Variants in SPATA9 observed in about 807,000 individuals in gnomAD.
SPATA9 encodes spermatogenesis-associated protein 9.
SPATA9 carries 27 observed loss-of-function variants against 25.5 expected under a neutral mutation model. That is an observed-to-expected ratio of 1.06 (90% CI 0.78 to 1.46). The LOEUF (loss-of-function observed/expected upper bound fraction) is 1.46. Among genes scored for constraint, SPATA9 ranks in the 40% most tolerant of loss-of-function variants. SPATA9 has a pLI of 0.00. For synonymous variants in SPATA9, 102 were observed against 105.7 expected (o/e 0.97, Z 0.21); for missense variants, 282 against 297.5 (o/e 0.95, Z 0.38).
chr5:95,724,195 G>C, the SPATA9 span, among the ~76,000 whole-genome samples: 1 of 152,098 alleles, frequency 6.6e-6, no homozygotes, highest in Admixed American at 6.5e-5. Flanking sequence ...TTATTTAAAG[G>C]CTCTCTGAAA....
chr5:95,725,648 C>A, the SPATA9 span, among the ~76,000 whole-genome samples: 1 of 152,206 alleles, frequency 6.6e-6, no homozygotes, highest in African/African-American at 2.4e-5. Flanking sequence ...TTTCAAGCTG[C>A]TATAAAATTC....
At chr5:95,700,384 C>T (rs948968115), upstream of SPATA9, among the ~76,000 whole-genome samples, 1 of 152,114 alleles carries the variant, frequency 6.6e-6, no homozygotes, top group Admixed American at 6.5e-5. Context: ...ATTGCAACCT[C>T]CACCTCCCAG....
the SPATA9 span, among the ~76,000 whole-genome samples, chr5:95,706,557 T>C: frequency 6.6e-6 from 1 of 152,086 alleles, no homozygotes; most frequent in Non-Finnish European, 1.5e-5. Context: ...AATTACCTAG[T>C]CGCAGGTATG....
the SPATA9 span, among the ~76,000 whole-genome samples, chr5:95,714,299 C>T: frequency 1.1e-4 from 16 of 152,022 alleles, 1 homozygote; most frequent in East Asian, 3.1e-3. Flanking sequence ...ATCACTGAAG[C>T]CATGAGAGCA....
chr5:95,712,540 C>G, the SPATA9 span, among the ~76,000 whole-genome samples: 23 of 152,198 alleles, frequency 1.5e-4, no homozygotes, highest in African/African-American at 5.5e-4. Context: ...AATGCAAGGG[C>G]AGGGTGTGTG....
downstream of SPATA9, chr5:95,656,158 C>T: frequency 6.2e-7 from 1 of 1,613,978 alleles, no homozygotes; most frequent in Non-Finnish European, 8.5e-7. Context: ...TCAGCAAAAC[C>T]CAAGTGGTGC....
At chr5:95,689,190 A>G (rs905487354) in intron 1 of SPATA9, among the ~76,000 whole-genome samples, 2 of 152,226 alleles carry the variant, frequency 1.3e-5, no homozygotes, top group African/African-American at 4.8e-5. Flanking sequence ...CAGACACAAT[A>G]AGAACATTTC....
At chr5:95,700,753 A>G (rs1754163453), upstream of SPATA9, among the ~76,000 whole-genome samples, 1 of 152,212 alleles carries the variant, frequency 6.6e-6, no homozygotes, top group Non-Finnish European at 1.5e-5. Context: ...ATATAACTAT[A>G]GTACAATATC....
the SPATA9 span, among the ~76,000 whole-genome samples, chr5:95,709,903 TG>T: frequency 2.6e-5 from 4 of 152,252 alleles, no homozygotes; most frequent in Non-Finnish European, 4.4e-5. Context: ...GCTTTGAAGA[TG>T]GGGGATTCTT....
At chr5:95,731,599 G>A in the SPATA9 span, 1 of 1,589,946 alleles carries the variant, frequency 6.3e-7, no homozygotes, top group Non-Finnish European at 8.6e-7. Flanking sequence ...GCGGATTGCG[G>A]GTGAACTCGC....
rs570665136 is a variant in SPATA9 at position 95,678,422 on chromosome 5, AAAG to A, written c.151-2786_151-2784del. Among the ~76,000 whole-genome samples the A allele has an allele frequency of 6.5e-3, 983 of 152,254 alleles. 3 individuals are homozygous for A. The highest frequency in any genetic ancestry group is 0.011 in the Non-Finnish European group (780 of 68,000). On this transcript the variant is annotated intron_variant, in intron 2 of 4. Coordinates refer to ENST00000274432, the MANE Select transcript of SPATA9 (RefSeq NM_031952.4). ...ATAAAAGTAACTTTCCTAGCCTCAA[AAAG>A]AAGATTTCCTTCAAAATCTATCCAG...
At chr5:95,681,785 T>C (rs1336874338) in intron 2 of SPATA9, among the ~76,000 whole-genome samples, 1 of 152,222 alleles carries the variant, frequency 6.6e-6, no homozygotes, top group African/African-American at 2.4e-5. Flanking sequence ...AACTGCCAGG[T>C]TTTGGTTATA....
chr5:95,674,062 G>C (rs1302848397), intron 3 of SPATA9, among the ~76,000 whole-genome samples: 1 of 152,176 alleles, frequency 6.6e-6, no homozygotes, highest in African/African-American at 2.4e-5. Flanking sequence ...TAAAGATACA[G>C]GATTAAGGCT....
chr5:95,687,095 T>A (rs1192343035), upstream of SPATA9, among the ~76,000 whole-genome samples: 1 of 152,172 alleles, frequency 6.6e-6, no homozygotes, highest in African/African-American at 2.4e-5. Flanking sequence ...AAAGGAAACA[T>A]GAAGGTATTC....
chr5:95,684,786 GT>G (rs1178932896), upstream of SPATA9: 1 of 151,884 alleles, frequency 6.6e-6, no homozygotes, highest in Non-Finnish European at 1.5e-5. Flanking sequence ...CACAATGTCT[GT>G]TTTTTTCTTG....
At chr5:95,711,368 G>T in the SPATA9 span, among the ~76,000 whole-genome samples, 1 of 152,180 alleles carries the variant, frequency 6.6e-6, no homozygotes, top group Admixed American at 6.5e-5. Flanking sequence ...TGGGCCGATG[G>T]GTCTGGAGTA....
chr5:95,723,715 T>C, the SPATA9 span, among the ~76,000 whole-genome samples: 1 of 152,200 alleles, frequency 6.6e-6, no homozygotes, highest in African/African-American at 2.4e-5. Flanking sequence ...TTTCCCTATC[T>C]CTCCTTTACT....
chr5:95,653,079 T>A, exon 9 of SPATA9: 1 of 1,549,778 alleles, frequency 6.5e-7, no homozygotes, highest in Non-Finnish European at 8.7e-7. Context: ...ACCAAGACTT[T>A]TCTTTCCTTC....
chr5:95,731,520 G>T, the SPATA9 span: 12 of 1,262,220 alleles, frequency 9.5e-6, no homozygotes, highest in South Asian at 3.2e-4. Context: ...TGGCTGGCGC[G>T]GCCCCGGCCC....
Sources: allele counts gnomAD v4.1 joint callset (sites outside exome capture counted in the v4.1 genomes callset), GRCh38; gene constraint gnomAD v4.1.1; transcripts MANE v1.5; gene names NCBI Gene and HGNC (gene_info 2026-07-23, HGNC 2026-07-21).